MNAT1: variants seen among roughly 807,000 people sequenced by gnomAD.
MNAT1 encodes the protein MNAT1 component of CDK activating kinase, also known as CDK-activating kinase assembly factor MAT1.
A neutral mutation model predicts 42.0 loss-of-function variants in MNAT1; 43 were observed. That is an observed-to-expected ratio of 1.02 (90% CI 0.80 to 1.32). The LOEUF is 1.32. MNAT1 is among the 40% of genes most tolerant of loss of function. The probability of loss-of-function intolerance (pLI) is 0.00; values close to 1 mark genes in which losing one functional copy is unlikely to be tolerated. For missense variants in MNAT1, 306 were observed against 350.4 expected, an observed-to-expected ratio of 0.87 and a Z score of 1.01; for synonymous variants, 118 against 120.0, an observed-to-expected ratio of 0.98 and a Z score of 0.11.
chr14:60,751,527 T>C (rs768244828), intron 1 of MNAT1, among the ~76,000 whole-genome samples: 1 of 152,034 alleles, frequency 6.6e-6, no homozygotes, highest in Non-Finnish European at 1.5e-5. Flanking sequence ...TATAATCAGA[T>C]GTCAACTAGG....
chr14:60,840,953 C>T (rs567056928), intron 6 of MNAT1, among the ~76,000 whole-genome samples: 1 of 152,174 alleles, frequency 6.6e-6, no homozygotes, highest in African/African-American at 2.4e-5. Context: ...GCATGAGCCA[C>T]CGCACTTGGC....
At chr14:60,741,226 T>A (rs980669085) in intron 1 of MNAT1, among the ~76,000 whole-genome samples, 4 of 152,178 alleles carry the variant, frequency 2.6e-5, no homozygotes, top group African/African-American at 7.2e-5. Flanking sequence ...TTTAAAAAAA[T>A]TTTTTAACCC....
chr14:60,924,170 T>C (rs544221820), intron 7 of MNAT1, among the ~76,000 whole-genome samples: 2 of 152,202 alleles, frequency 1.3e-5, no homozygotes, highest in Non-Finnish European at 2.9e-5. Context: ...TAGATGTTTG[T>C]AAATAAAAAA....
chr14:60,875,378 C>G (rs1242390268), intron 6 of MNAT1, among the ~76,000 whole-genome samples: 1 of 152,004 alleles, frequency 6.6e-6, no homozygotes, highest in African/African-American at 2.4e-5. Flanking sequence ...GCTTCCATAT[C>G]CACAAAATGA....
At chr14:60,896,166 A>G (rs1397037008) in intron 7 of MNAT1, among the ~76,000 whole-genome samples, 1 of 152,184 alleles carries the variant, frequency 6.6e-6, no homozygotes, top group South Asian at 2.1e-4. Context: ...GTAAATAATT[A>G]TAACTCAAAT....
At chr14:60,838,001 A>G (rs2033440179) in intron 6 of MNAT1, among the ~76,000 whole-genome samples, 1 of 152,094 alleles carries the variant, frequency 6.6e-6, no homozygotes, top group Non-Finnish European at 1.5e-5. Flanking sequence ...ATCTCTAGTA[A>G]TGCTTCTCTT....
At chr14:60,839,764 A>C (rs938443468) in intron 6 of MNAT1, among the ~76,000 whole-genome samples, 3 of 152,232 alleles carry the variant, frequency 2.0e-5, no homozygotes, top group East Asian at 3.8e-4. Context: ...CTTGCGGTGC[A>C]TCTGATCCAG....
intron 7 of MNAT1, among the ~76,000 whole-genome samples, chr14:60,963,265 C>T (rs1376887349): frequency 6.6e-6 from 1 of 152,182 alleles, no homozygotes; most frequent in Admixed American, 6.5e-5. Flanking sequence ...CAGGCATGAG[C>T]CACCACACCC....
intron 1 of MNAT1, among the ~76,000 whole-genome samples, chr14:60,762,620 C>T (rs1435182223): frequency 2.0e-5 from 3 of 148,464 alleles, no homozygotes; most frequent in Non-Finnish European, 3.0e-5. Flanking sequence ...GCAGGAGAAT[C>T]GCTTGAACTT....
At position 60,893,972 on chromosome 14, in the gene MNAT1, C is replaced by A. The variant is rs1487726698; in HGVS notation, c.809+14137C>A. Reference sequence around the variant, plus strand: ...TTCCTACTTCTTTCCCAGAGGCCAACAATTTGTATCTGTTACTTCAGGGTA... The same window carrying A: ...TTCCTACTTCTTTCCCAGAGGCCAAAAATTTGTATCTGTTACTTCAGGGTA... On this transcript the variant is annotated intron_variant, in intron 7 of 7. Transcript: ENST00000261245. Among the ~76,000 whole-genome samples the A allele has an allele frequency of 3.3e-5, 5 of 152,144 alleles. No individual in the cohort carries two copies. The East Asian group carries it at 9.6e-4, about 29-fold the overall frequency.
intron 3 of MNAT1, among the ~76,000 whole-genome samples, chr14:60,802,440 A>G (rs1287045976): frequency 6.6e-6 from 1 of 152,168 alleles, no homozygotes; most frequent in East Asian, 1.9e-4. Context: ...ATTGTACCCC[A>G]TAGATATATA....
chr14:60,845,562 AC>A (rs778287509), intron 6 of MNAT1, among the ~76,000 whole-genome samples: 50 of 152,146 alleles, frequency 3.3e-4, no homozygotes, highest in Admixed American at 1.4e-3. Context: ...AATAAAATCC[AC>A]TCACATTAAG....
At chr14:60,867,717 C>G (rs765814228) in intron 6 of MNAT1, among the ~76,000 whole-genome samples, 7 of 152,196 alleles carry the variant, frequency 4.6e-5, no homozygotes, top group Non-Finnish European at 8.8e-5. Context: ...TCAGTCTCCT[C>G]ACTTATACAC....
intron 7 of MNAT1, among the ~76,000 whole-genome samples, chr14:60,950,543 G>A (rs930185628): frequency 2.0e-5 from 3 of 152,148 alleles, no homozygotes; most frequent in African/African-American, 7.2e-5. Flanking sequence ...GGACAGCTTT[G>A]AATGCAGCCC....
At chr14:60,869,692 C>T (rs1177544789) in intron 6 of MNAT1, among the ~76,000 whole-genome samples, 1 of 152,118 alleles carries the variant, frequency 6.6e-6, no homozygotes, top group Admixed American at 6.6e-5. Context: ...TGGTACTTAA[C>T]AGAAAACCAT....
rs1411385794 is a variant in MNAT1, at chr14:60,872,606, C to T, written c.688-7108C>T. Among the ~76,000 whole-genome samples, 6 of 152,062 alleles carry T rather than the reference C, an allele frequency of 3.9e-5. No homozygotes were observed. The East Asian group carries it at 1.2e-3, about 29-fold the overall frequency. On this transcript the variant is annotated intron_variant, in intron 6 of 7. Coordinates refer to ENST00000261245, the MANE Select transcript of MNAT1 (RefSeq NM_002431.4). The stretch of plus-strand genomic sequence containing the variant: ...TCACTAAAATAGCTACCGACTTGAC[C>T]TACTTGATTCTAGGCTCTTCTTTCT...
At chr14:60,887,620 A>G in intron 7 of MNAT1, among the ~76,000 whole-genome samples, 1 of 152,108 alleles carries the variant, frequency 6.6e-6, no homozygotes, top group African/African-American at 2.4e-5. Context: ...CAGGAAATAG[A>G]GACACAAAAA....
chr14:60,930,246 T>TTAG lies in MNAT1; in HGVS notation c.810-37982_810-37981insAGT, dbSNP rs942994616. Among the ~76,000 whole-genome samples, 24 of 147,166 alleles carry TTAG rather than the reference T, an allele frequency of 1.6e-4. 1 individual carries two copies. Among genetic ancestry groups the TTAG allele is most frequent in the African/African-American group, 5.7e-4 (23 of 40,300 alleles). ...ATTATTATTATTATTATTATTATTA[T>TTAG]TTGAGTCTATTTCCTTCTCTAGATA... On this transcript the variant is annotated intron_variant, in intron 7 of 7. Transcript: ENST00000261245.
intron 6 of MNAT1, among the ~76,000 whole-genome samples, chr14:60,870,549 A>G (rs952345727): frequency 5.3e-5 from 8 of 152,112 alleles, no homozygotes; most frequent in Non-Finnish European, 1.5e-5. Flanking sequence ...CACTCTTTAT[A>G]TATTCCCCCA....
Sources: gnomAD v4.1 joint callset for allele counts (sites outside exome capture counted in the v4.1 genomes callset) on GRCh38, gnomAD v4.1.1 for gene constraint, MANE v1.5 for transcripts, NCBI Gene and HGNC (gene_info 2026-07-23, HGNC 2026-07-21) for gene names.